Variants in ZBED1 observed in about 807,000 individuals in gnomAD.
ZBED1 encodes E3 SUMO-protein ligase ZBED1.
ZBED1 carries 19 observed loss-of-function variants against 49.7 expected under a neutral mutation model. That is an observed-to-expected ratio of 0.38 (90% CI 0.27 to 0.56). ZBED1 has a LOEUF of 0.56. ZBED1 is among the 20% of genes least tolerant of loss of function. The pLI is 0.70. For synonymous variants in ZBED1, 439 were observed against 440.3 expected, an observed-to-expected ratio of 1.00 and a Z score of 0.04; for missense variants, 806 against 972.6, an observed-to-expected ratio of 0.83 and a Z score of 2.28.
chrX:2,491,054 C>T (rs2045125724), intron 1 of ZBED1, among the ~76,000 whole-genome samples: 1 of 146,110 alleles, frequency 6.8e-6, no homozygotes, highest in Non-Finnish European at 1.5e-5. Flanking sequence ...CTGTACCTGA[C>T]AAGTGCCTTT....
chrX:2,496,660 A>G (rs1171818130), intron 1 of ZBED1, among the ~76,000 whole-genome samples: 1 of 152,070 alleles, frequency 6.6e-6, no homozygotes, highest in Non-Finnish European at 1.5e-5. Context: ...GCTAAAAGAG[A>G]TTTTAAATGT....
rs2044952678 is a variant in ZBED1 at position 2,486,931 on chromosome X, A to C, written c.*1704T>G. ...GCAGGTAGTTCCTTTGCCCTCTGAC[A>C]CCCCGAGTTCTTGGGGTCTCGGCAG... is the stretch of plus-strand genomic sequence containing the variant. On this transcript the variant is annotated 3_prime_UTR_variant, in exon 2 of 2. Coordinates refer to ENST00000652001, the MANE Select transcript of ZBED1 (RefSeq NM_001171136.2). 1 of 151,840 alleles carries C rather than the reference A, an allele frequency of 6.6e-6. No homozygotes were observed. The highest frequency in any genetic ancestry group is 2.1e-4 in the South Asian group (1 of 4,804). 9.4% of individuals were successfully genotyped at this position (151,840 alleles called of 1,614,324 possible).
Position 2,493,822 on chromosome X carries a change from A to T in ZBED1, c.-53-3050T>A, listed in dbSNP as rs377302686. ...CCTCCTCTACTAAAAATACAAAATT[A>T]GCCGGGCGTGGTAGTGGCACATGCC... On this transcript the variant is annotated intron_variant, in intron 1 of 1. Transcript: ENST00000652001. Among the ~76,000 whole-genome samples, 21 of 152,186 alleles carry T rather than the reference A, an allele frequency of 1.4e-4. 1 individual carries two copies. The highest frequency in any genetic ancestry group is 7.9e-4 in the Admixed American group (12 of 15,272).
intron 1 of ZBED1, among the ~76,000 whole-genome samples, chrX:2,494,355 A>T (rs1421559301): frequency 6.6e-6 from 1 of 151,980 alleles, no homozygotes; most frequent in African/African-American, 2.4e-5. Context: ...TTAGGCTGAA[A>T]GAGGTTCTAG....
rs1315976376 is a variant in ZBED1 at position 2,490,660 on chromosome X, G to A, written c.60C>T (p.Arg20=). 14 of 1,613,848 alleles carry A rather than the reference G, an allele frequency of 8.7e-6. No homozygotes were observed. Among genetic ancestry groups the A allele is most frequent in the East Asian group, 4.5e-5 (2 of 44,884 alleles). Reference sequence around the variant, plus strand: ...AATACTTCCACACCTTGCTCTTGGCGCGGGGGTGGGCCACCAGCTTCAGGT... The same window carrying A: ...AATACTTCCACACCTTGCTCTTGGCACGGGGGTGGGCCACCAGCTTCAGGT... ...QTDLKLVAHP[R]AKSKVWKYFG... is the part of the protein sequence containing the mutation. Residue 20 remains arginine (R), a synonymous_variant, in exon 2 of 2, where the codon CGC becomes CGT. Coordinates refer to ENST00000652001, the MANE Select transcript of ZBED1 (RefSeq NM_001171136.2).
chrX:2,498,921 C>T (rs1429356026), intron 1 of ZBED1, among the ~76,000 whole-genome samples: 4 of 152,162 alleles, frequency 2.6e-5, no homozygotes. Flanking sequence ...CTACAGTTCC[C>T]TTTACTCTCC....
rs995997680 is a variant in ZBED1, at chrX:2,500,936, GCCGCGCCGCCGCCGCTT to G, written c.-190_-174del. ...AGACAATGGCGACATGGCTGCCCCG[GCCGCGCCGCCGCCGCTT>G]CCGCGCCGCCCGCGGGACTCTGCGC... is the stretch of plus-strand genomic sequence containing the variant. On this transcript the variant is annotated 5_prime_UTR_variant, in exon 1 of 2. Coordinates refer to ENST00000652001, the MANE Select transcript of ZBED1 (RefSeq NM_001171136.2). 99 of 1,052,004 alleles carry G rather than the reference GCCGCGCCGCCGCCGCTT, an allele frequency of 9.4e-5. No individual in the cohort carries two copies. The East Asian group carries it at 2.0e-3, about 21-fold the overall frequency. The allele number at this position is 1,052,004 out of a possible 1,614,324, so 65.2% of individuals were successfully genotyped here.
At position 2,489,889 on chromosome X, in the gene ZBED1, C is replaced by A. The variant is rs1008454830; in HGVS notation, c.831G>T (p.Lys277Asn). ...CTGCGACGTCCAGCAGGGAGCACGC[C>A]TTCACGATGTCCTTGCCATAGTTGG... ...ATTNYGKDIV[K>N]ACSLLDVAVH... is the part of the protein sequence containing the mutation. The change falls in exon 2 of 2, where the codon AAG becomes AAT. Residue 277 changes from lysine (K) to asparagine (N), a missense_variant. Transcript: ENST00000652001. 2 of 1,613,880 alleles carry A rather than the reference C, an allele frequency of 1.2e-6. No homozygotes were observed. The highest frequency in any genetic ancestry group is 2.2e-5 in the East Asian group (1 of 44,868).
chrX:2,497,192 T>C (rs5939505), intron 1 of ZBED1, among the ~76,000 whole-genome samples: 28,492 of 152,014 alleles, frequency 0.19, 2,900 homozygotes, highest in South Asian at 0.29. Flanking sequence ...GTCAGGAGTT[T>C]GAGACCAGCC....
chrX:2,491,686 G>GT (rs1013931352), intron 1 of ZBED1, among the ~76,000 whole-genome samples: 2 of 152,308 alleles, frequency 1.3e-5, no homozygotes. Flanking sequence ...AACGTCACAG[G>GT]TGCATCCGTG....
rs767732204 is a variant in ZBED1, at chrX:2,488,794, G to A, written c.1926C>T (p.Asp642=). 8.1e-6 allele frequency: 13 copies of A among 1,613,764 alleles called. No individual in the cohort carries two copies. Among genetic ancestry groups the A allele is most frequent in the African/African-American group, 2.7e-5 (2 of 74,902 alleles). Residue 642 remains aspartate, a synonymous_variant, in exon 2 of 2, where the codon GAC becomes GAT. Coordinates refer to ENST00000652001, the MANE Select transcript of ZBED1 (RefSeq NM_001171136.2). ...CGTTCTCATACAGAAACACCTGCTC[G>A]TCCACGTGCGCGGGAGCCAGCCGGT... ...KRNRLAPAHV[D]EQVFLYENAR... is the part of the protein sequence containing the mutation.
Position 2,488,564 on chromosome X carries a change from G to T in ZBED1, c.*71C>A, listed in dbSNP as rs937793650. The stretch of plus-strand genomic sequence containing the variant: ...TCTGAGGTTCAAAACCAAGCTGACC[G>T]GGTAAGTATTTACAGCAAAGCATCC... On this transcript the variant is annotated 3_prime_UTR_variant, in exon 2 of 2. Transcript: ENST00000652001. 2.0e-6 allele frequency: 3 copies of T among 1,503,070 alleles called. No individual in the cohort carries two copies. The African/African-American group carries it at 4.3e-5, about 21-fold the overall frequency. The allele number at this position is 1,503,070 out of a possible 1,614,324, so 93.1% of individuals were successfully genotyped here. A position where few individuals can be genotyped will look rare whatever the true frequency, so the allele number is the denominator to read the frequency against.
At chrX:2,498,563 G>T (rs2045337136) in intron 1 of ZBED1, among the ~76,000 whole-genome samples, 1 of 150,448 alleles carries the variant, frequency 6.6e-6, no homozygotes, top group South Asian at 2.1e-4. Flanking sequence ...TGGCAGACAC[G>T]TGACTTCACC....
At position 2,490,038 on chromosome X, in the gene ZBED1, T is replaced by G. The variant is rs771083708; in HGVS notation, c.682A>C (p.Met228Leu). The G allele has an allele frequency of 2.5e-6, 4 of 1,613,792 alleles. No homozygotes were observed. The highest frequency in any genetic ancestry group is 3.4e-6 in the Non-Finnish European group (4 of 1,179,858). ...AAGGTCTTCAGGCAGCGGGAGCCCA[T>G]GGACAGGCAGTTGGGGGCGCCCAGG... ...LGLGAPNCLSMGSRCLKTFEV... is the reference protein window; with the variant it reads ...LGLGAPNCLSLGSRCLKTFEV... The change falls in exon 2 of 2, where the codon ATG (methionine) becomes CTG (leucine). Residue 228 changes from methionine (M) to leucine (L), a missense_variant. Transcript: ENST00000652001.
chrX:2,493,439 AAAGTTT>A (rs1294844455), intron 1 of ZBED1, among the ~76,000 whole-genome samples: 6 of 151,964 alleles, frequency 3.9e-5, no homozygotes, highest in South Asian at 4.2e-4. Context: ...TCCTCAAACA[AAAGTTT>A]AAATTCTATT....
chrX:2,499,297 G>A (rs2045354193), intron 1 of ZBED1, among the ~76,000 whole-genome samples: 1 of 152,076 alleles, frequency 6.6e-6, no homozygotes, highest in African/African-American at 2.4e-5. Flanking sequence ...TCTCTTCTTA[G>A]GCTGGACATT....
chrX:2,495,532 G>A (rs754531361), intron 1 of ZBED1, among the ~76,000 whole-genome samples: 36 of 152,144 alleles, frequency 2.4e-4, no homozygotes, highest in Middle Eastern at 3.4e-3. Context: ...TCCCTCCCAC[G>A]TCTCCTGCTG....
At chrX:2,496,520 T>C (rs1197148654) in intron 1 of ZBED1, among the ~76,000 whole-genome samples, 1 of 152,140 alleles carries the variant, frequency 6.6e-6, no homozygotes, top group Non-Finnish European at 1.5e-5. Context: ...ATTTTAAATG[T>C]CTTGCGTGCA....
intron 1 of ZBED1, among the ~76,000 whole-genome samples, chrX:2,494,515 GATT>G (rs2124126244): frequency 6.6e-6 from 1 of 151,738 alleles, no homozygotes; most frequent in East Asian, 1.9e-4. Flanking sequence ...TATATTCTAT[GATT>G]ATTATTAGGC....
Sources: allele counts gnomAD v4.1 joint callset (sites outside exome capture counted in the v4.1 genomes callset), GRCh38; gene constraint gnomAD v4.1.1; transcripts MANE v1.5; gene names NCBI Gene and HGNC (gene_info 2026-07-23, HGNC 2026-07-21).